The following WRN variants were observed in gnomAD, a reference collection of about 807,000 sequenced individuals.
WRN encodes bifunctional 3'-5' exonuclease/ATP-dependent helicase WRN.
WRN carries 149 observed loss-of-function variants against 180.7 expected under a neutral mutation model. The ratio of observed to expected loss-of-function variants is 0.82; its 90% CI spans 0.72 to 0.94. The LOEUF (loss-of-function observed/expected upper bound fraction) is 0.94. WRN is among the 40% of genes least tolerant of loss of function. The probability of loss-of-function intolerance (pLI) is 0.00; values close to 1 mark genes in which losing one functional copy is unlikely to be tolerated. For synonymous variants in WRN, 548 were observed against 568.9 expected, an observed-to-expected ratio of 0.96 and a Z score of 0.52; for missense variants, 1,661 against 1,700.1, an observed-to-expected ratio of 0.98 and a Z score of 0.40.
chr8:31,061,653 G>A (rs1360472431), intron 3 of WRN, among the ~76,000 whole-genome samples: 1 of 151,900 alleles, frequency 6.6e-6, no homozygotes, highest in African/African-American at 2.4e-5. Context: ...ATGTTTTGAA[G>A]CTTGTTTTCA....
At chr8:31,100,982 G>A (rs377589523) in intron 18 of WRN, 27 bp downstream of exon 18, 90 of 1,576,672 alleles carry the variant, frequency 5.7e-5, no homozygotes, top group Admixed American at 5.0e-5. Flanking sequence ...CTGATGTCCC[G>A]AAATTACATT....
At chr8:31,114,004 T>A (rs575010969) in intron 19 of WRN, among the ~76,000 whole-genome samples, 2,184 of 147,572 alleles carry the variant, frequency 0.015, 28 homozygotes, top group Admixed American at 0.021. Context: ...TTTTTTTTTT[T>A]AAGGAGATCA....
intron 16 of WRN, among the ~76,000 whole-genome samples, 158 bp downstream of exon 16, chr8:31,092,056 G>T (rs1465018158): frequency 1.3e-5 from 2 of 151,564 alleles, no homozygotes; most frequent in Non-Finnish European, 2.9e-5. Context: ...AGAGAATTTT[G>T]TATACAAACA....
intron 18 of WRN, among the ~76,000 whole-genome samples, chr8:31,109,646 ATATTT>A (rs201597283): frequency 0.013 from 1,928 of 152,292 alleles, 41 homozygotes; most frequent in African/African-American, 0.044. Flanking sequence ...AGTGCTTACT[ATATTT>A]TATTTCATGC....
chr8:31,063,456 G>A (rs1812571606), intron 3 of WRN, among the ~76,000 whole-genome samples: 1 of 151,974 alleles, frequency 6.6e-6, no homozygotes, highest in South Asian at 2.1e-4. Context: ...CACATCTGAG[G>A]GTTTCATTTA....
At chr8:31,070,652 G>A (rs189261979) in intron 7 of WRN, among the ~76,000 whole-genome samples, 5 of 151,796 alleles carry the variant, frequency 3.3e-5, no homozygotes, top group East Asian at 1.9e-4. Flanking sequence ...ACAAGGTGCT[G>A]TAGTTGACAC....
rs936532303 is a variant in WRN at position 31,087,656 on chromosome 8, G to T, written c.1432-120G>T. The T allele has an allele frequency of 8.4e-5, 79 of 945,006 alleles. No homozygotes were observed. The East Asian group carries it at 1.1e-3, about 13-fold the overall frequency. 58.5% of individuals were successfully genotyped at this position (945,006 alleles called of 1,614,324 possible). A position where few individuals can be genotyped will look rare whatever the true frequency, so the allele number is the denominator to read the frequency against. ...CACATGTTCTTTTGTAGTATGGCTT[G>T]CACATCTGCCAGCTTTCGACAAAAT... On this transcript the variant is annotated intron_variant, in intron 11 of 34. Transcript: ENST00000298139.
chr8:31,054,213 T>C (rs1197515067), intron 1 of WRN, among the ~76,000 whole-genome samples: 2 of 151,918 alleles, frequency 1.3e-5, no homozygotes, highest in African/African-American at 2.4e-5. Context: ...AGGGAATGCA[T>C]GATAATTTCA....
chr8:31,148,183 G>T (rs1211851605), intron 30 of WRN, among the ~76,000 whole-genome samples: 1 of 152,022 alleles, frequency 6.6e-6, no homozygotes, highest in Non-Finnish European at 1.5e-5. Context: ...ACTGTGCCTG[G>T]CCTCTTTTTC....
intron 23 of WRN, among the ~76,000 whole-genome samples, chr8:31,127,754 A>G (rs1488805131): frequency 6.6e-6 from 1 of 152,078 alleles, no homozygotes; most frequent in African/African-American, 2.4e-5. Context: ...CTCTACAAAA[A>G]TAAAAAATAA....
At chr8:31,113,448 T>A (rs529430879) in intron 19 of WRN, among the ~76,000 whole-genome samples, 17 of 152,312 alleles carry the variant, frequency 1.1e-4, no homozygotes, top group Admixed American at 5.9e-4. Flanking sequence ...CTGGCCATTC[T>A]AGTGCTCTCT....
intron 17 of WRN, among the ~76,000 whole-genome samples, 178 bp from the exon 18 acceptor site, chr8:31,100,671 C>T (rs1312067864): frequency 6.6e-6 from 1 of 152,104 alleles, no homozygotes; most frequent in African/African-American, 2.4e-5. Context: ...TCATATATCT[C>T]CCCTCTCCCT....
intron 16 of WRN, among the ~76,000 whole-genome samples, chr8:31,095,996 G>A (rs934333304): frequency 1.3e-5 from 2 of 152,110 alleles, no homozygotes; most frequent in Admixed American, 6.5e-5. Flanking sequence ...GTTTTATACC[G>A]AAGAAACTAG....
At chr8:31,052,900 G>A (rs1267134477) in intron 1 of WRN, among the ~76,000 whole-genome samples, 1 of 152,134 alleles carries the variant, frequency 6.6e-6, no homozygotes, top group African/African-American at 2.4e-5. Flanking sequence ...TGCTGAGGCT[G>A]CTATTTTTTT....
At chr8:31,060,828 T>C (rs1031834264) in intron 3 of WRN, among the ~76,000 whole-genome samples, 3 of 152,208 alleles carry the variant, frequency 2.0e-5, no homozygotes, top group Non-Finnish European at 4.4e-5. Context: ...TGATGACTTA[T>C]ATGTATTTTA....
chr8:31,087,673 C>T (rs1372900663), intron 11 of WRN, 103 bp from the exon 12 acceptor site: 24 of 1,238,026 alleles, frequency 1.9e-5, no homozygotes, highest in Non-Finnish European at 2.3e-5. Context: ...TGCCAGCTTT[C>T]GACAAAATTG....
At chr8:31,140,003 GTTTTTTTTTTTTTTTTTTT>G (rs71539917) in intron 24 of WRN, among the ~76,000 whole-genome samples, 1 of 62,086 alleles carries the variant, frequency 1.6e-5, no homozygotes, top group Non-Finnish European at 2.9e-5. Flanking sequence ...ATACTTCTTT[GTTTTTTTTTTTTTTTTTTT>G]TTTTTTTTTT....
Position 31,081,125 on chromosome 8 carries a change from AG to A in WRN, c.1099del (p.Val367TrpfsTer12). On this transcript the variant is annotated frameshift_variant, in exon 9 of 35. Transcript: ENST00000298139. LOFTEE classifies it high-confidence loss of function. The part of the protein sequence containing the change: ...HDGEDVLGNK[V>X]ERKEDGFEDG... ...ATGGAGAAGATGTACTTGGAAATAA[AG>A]TGGAACGAAAAGAAGATGGATTTGA... The A allele has an allele frequency of 6.2e-7, 1 of 1,614,086 alleles. No individual in the cohort carries two copies.
intron 3 of WRN, 56 bp downstream of exon 3, chr8:31,059,321 T>C: frequency 1.4e-6 from 2 of 1,411,394 alleles, no homozygotes; most frequent in Non-Finnish European, 1.0e-6. Flanking sequence ...GAAGGTACTA[T>C]TATGGTAATG....
Sources: gnomAD v4.1 joint callset for allele counts (sites outside exome capture counted in the v4.1 genomes callset) on GRCh38, gnomAD v4.1.1 for gene constraint, MANE v1.5 for transcripts, NCBI Gene and HGNC (gene_info 2026-07-23, HGNC 2026-07-21) for gene names.